The following CDK17 variants were observed in gnomAD, a reference collection of about 807,000 sequenced individuals.
The protein encoded by CDK17 is cyclin-dependent kinase 17.
CDK17 carries 24 observed loss-of-function variants against 77.6 expected under a neutral mutation model. That is an observed-to-expected ratio of 0.31 (90% CI 0.22 to 0.44). The LOEUF (loss-of-function observed/expected upper bound fraction) is 0.44, where lower values mean the gene tolerates loss of function less well. Ranked by LOEUF, CDK17 falls within the 20% of genes least tolerant of loss-of-function variation. The pLI is 1.00. For synonymous variants in CDK17, 203 were observed against 210.4 expected, an observed-to-expected ratio of 0.96 and a Z score of 0.30; for missense variants, 429 against 622.5, an observed-to-expected ratio of 0.69 and a Z score of 3.31.
chr12:96,282,514 G>A lies in CDK17; in HGVS notation c.1451C>T (p.Pro484Leu). ...CACTTTAGGATTTCTCTTACTTTCT[G>A]GTAAAGCATGTATTCTTGGTCCCAG... ...RSLGPRIHAL[P>L]ESVSIFSLKE... The change falls in exon 15 of 17, where the codon CCA becomes CTA. Residue 484 changes from proline (P) to leucine (L), a missense_variant. Transcript: ENST00000261211. 6.3e-7 allele frequency: 1 copy of A among 1,595,958 alleles called. No homozygotes were observed.
intron 1 of CDK17, among the ~76,000 whole-genome samples, chr12:96,370,538 G>C (rs745491575): frequency 2.6e-5 from 4 of 152,196 alleles, no homozygotes; most frequent in Non-Finnish European, 5.9e-5. Context: ...CTCTAAAGCA[G>C]AGATTCTCCA....
chr12:96,296,879 AGTT>A (rs1565807654), intron 9 of CDK17, among the ~76,000 whole-genome samples: 2 of 152,258 alleles, frequency 1.3e-5, no homozygotes, highest in Non-Finnish European at 2.9e-5. Flanking sequence ...AGTTCTGAAA[AGTT>A]GTTGTTTTAC....
chr12:96,343,895 G>T (rs987288284), intron 1 of CDK17, among the ~76,000 whole-genome samples: 38 of 152,320 alleles, frequency 2.5e-4, no homozygotes, highest in African/African-American at 9.1e-4. Context: ...ATTTGGAATT[G>T]CTAGTCAAAA....
intron 1 of CDK17, among the ~76,000 whole-genome samples, chr12:96,373,763 T>A (rs1953732047): frequency 2.0e-5 from 3 of 151,280 alleles, no homozygotes; most frequent in African/African-American, 7.3e-5. Flanking sequence ...CTACTAAAAA[T>A]ACAAAAATTA....
intron 1 of CDK17, among the ~76,000 whole-genome samples, chr12:96,344,914 T>C (rs1953178990): frequency 1.3e-5 from 2 of 152,318 alleles, no homozygotes; most frequent in Admixed American, 1.3e-4. Context: ...TGTGCTGCAC[T>C]TAACCCATCA....
chr12:96,373,715 A>C (rs932642355), intron 1 of CDK17, among the ~76,000 whole-genome samples: 1 of 152,056 alleles, frequency 6.6e-6, no homozygotes, highest in African/African-American at 2.4e-5. Flanking sequence ...AGGTCAGGAG[A>C]TCAAAACCAG....
At chr12:96,340,726 A>G (rs550176588) in intron 1 of CDK17, among the ~76,000 whole-genome samples, 4 of 152,338 alleles carry the variant, frequency 2.6e-5, no homozygotes, top group African/African-American at 7.2e-5. Context: ...TATTTACTAT[A>G]ATAGGGCAGT....
At chr12:96,328,964 T>C (rs1451384843) in intron 2 of CDK17, among the ~76,000 whole-genome samples, 1 of 152,136 alleles carries the variant, frequency 6.6e-6, no homozygotes, top group Non-Finnish European at 1.5e-5. Context: ...GCTGGCCAAT[T>C]CAATAAGATA....
rs546718616 is a variant in CDK17, at chr12:96,289,747, C to T, written c.998-460G>A. 3.3e-5 allele frequency among the ~76,000 whole-genome samples: 5 copies of T among 152,264 alleles called. No homozygotes were observed. The South Asian group carries it at 1.0e-3, about 32-fold the overall frequency. On this transcript the variant is annotated intron_variant, in intron 10 of 16. Coordinates refer to ENST00000261211, the MANE Select transcript of CDK17 (RefSeq NM_002595.5). ...TTGCTATACCATTTTTTATCAAAAA[C>T]TGTAAAGTTATTGGTCCATAATCTC...
chr12:96,316,115 G>T (rs369614219), intron 3 of CDK17, among the ~76,000 whole-genome samples: 3 of 152,304 alleles, frequency 2.0e-5, no homozygotes, highest in South Asian at 2.1e-4. Flanking sequence ...TGCACTAGCC[G>T]AAGCAGGGCG....
chr12:96,356,089 G>C (rs1374481433), intron 1 of CDK17, among the ~76,000 whole-genome samples: 2 of 152,114 alleles, frequency 1.3e-5, no homozygotes, highest in Non-Finnish European at 1.5e-5. Context: ...AGGGCAAAAA[G>C]ATAAAATATT....
chr12:96,331,316 A>C (rs1952963202), intron 2 of CDK17, among the ~76,000 whole-genome samples: 1 of 152,176 alleles, frequency 6.6e-6, no homozygotes, highest in Non-Finnish European at 1.5e-5. Flanking sequence ...ATGGGCTCAA[A>C]ATTCTTTTTC....
chr12:96,366,312 C>T (rs1344241001), intron 1 of CDK17, among the ~76,000 whole-genome samples: 1 of 152,198 alleles, frequency 6.6e-6, no homozygotes, highest in East Asian at 1.9e-4. Context: ...ACCCTTCCTA[C>T]ACAGCAGGCC....
chr12:96,295,168 C>A, intron 9 of CDK17, 46 bp from the exon 10 acceptor site: 3 of 1,481,090 alleles, frequency 2.0e-6, no homozygotes, highest in Middle Eastern at 2.1e-4. Context: ...ATGAGACATG[C>A]TTTAGTATAA....
intron 1 of CDK17, among the ~76,000 whole-genome samples, chr12:96,341,137 G>C (rs76130010): frequency 7.9e-5 from 12 of 152,230 alleles, no homozygotes; most frequent in Middle Eastern, 6.8e-3. Context: ...ATAAATGGAT[G>C]AATCTGGAGG....
intron 1 of CDK17, among the ~76,000 whole-genome samples, chr12:96,345,984 A>G (rs371314661): frequency 3.3e-5 from 5 of 152,250 alleles, no homozygotes; most frequent in African/African-American, 1.2e-4. Flanking sequence ...ATTAAAAGGC[A>G]GAGATTGTCA....
At chr12:96,348,415 T>G (rs989247668) in intron 1 of CDK17, among the ~76,000 whole-genome samples, 2 of 150,344 alleles carry the variant, frequency 1.3e-5, no homozygotes, top group African/African-American at 4.9e-5. Flanking sequence ...TCTCAGCTAC[T>G]TGGGAGGCTG....
intron 1 of CDK17, among the ~76,000 whole-genome samples, chr12:96,388,232 A>G (rs1954009028): frequency 2.0e-5 from 3 of 152,276 alleles, no homozygotes; most frequent in South Asian, 4.1e-4. Flanking sequence ...CAAGTGGAAC[A>G]GAACAGGGAA....
chr12:96,298,487 T>C (rs561442813), intron 7 of CDK17, among the ~76,000 whole-genome samples: 1 of 152,186 alleles, frequency 6.6e-6, no homozygotes, highest in Non-Finnish European at 1.5e-5. Flanking sequence ...ACATTACTAA[T>C]CAGTTGCCTC....
Sources: allele counts gnomAD v4.1 joint callset (sites outside exome capture counted in the v4.1 genomes callset), GRCh38; gene constraint gnomAD v4.1.1; transcripts MANE v1.5; gene names NCBI Gene and HGNC (gene_info 2026-07-23, HGNC 2026-07-21).